SGCD: variants seen among roughly 807,000 people sequenced by gnomAD.
SGCD encodes delta-sarcoglycan.
Under a neutral mutation model 36.6 loss-of-function variants are expected in SGCD, and 18 were observed. The ratio of observed to expected loss-of-function variants is 0.49; its 90% CI spans 0.34 to 0.73. The LOEUF (loss-of-function observed/expected upper bound fraction) is 0.73, where lower values mean the gene tolerates loss of function less well. Among genes scored for constraint, SGCD ranks in the 30% least tolerant of loss-of-function variants. SGCD has a pLI of 0.01. For missense variants in SGCD, 387 were observed against 346.7 expected, an observed-to-expected ratio of 1.12 and a Z score of -0.92; for synonymous variants, 133 against 130.6, an observed-to-expected ratio of 1.02 and a Z score of -0.12.
chr5:155,893,702 ATAAATAT>A (rs1756185548), intron 1 of SGCD, among the ~76,000 whole-genome samples: 1 of 152,252 alleles, frequency 6.6e-6, no homozygotes, highest in Non-Finnish European at 1.5e-5. Flanking sequence ...ATAGACATAG[ATAAATAT>A]TAAATAAGAT....
intron 3 of SGCD, among the ~76,000 whole-genome samples, chr5:156,172,278 C>G (rs1336590168): frequency 6.6e-6 from 1 of 152,088 alleles, no homozygotes; most frequent in Non-Finnish European, 1.5e-5. Context: ...AGCAAAACTC[C>G]ATCTCAAAAA....
intron 4 of SGCD, among the ~76,000 whole-genome samples, chr5:156,584,650 T>C (rs1760418131): frequency 1.1e-5 from 1 of 91,924 alleles, no homozygotes; most frequent in Admixed American, 1.1e-4. Flanking sequence ...CCTATGCTTC[T>C]TTCTGTCACC....
At chr5:156,195,499 A>T (rs1040229693) in intron 3 of SGCD, among the ~76,000 whole-genome samples, 6 of 152,168 alleles carry the variant, frequency 3.9e-5, no homozygotes, top group South Asian at 2.1e-4. Context: ...TTTTTTGTGA[A>T]TGGAGAATTG....
chr5:156,479,148 A>T (rs1303224506), intron 3 of SGCD, among the ~76,000 whole-genome samples: 1 of 152,038 alleles, frequency 6.6e-6, no homozygotes, highest in East Asian at 1.9e-4. Flanking sequence ...GCTGGAGTGC[A>T]GTGACATGAT....
chr5:156,310,204 T>C (rs985848909), intron 3 of SGCD, among the ~76,000 whole-genome samples: 1 of 152,202 alleles, frequency 6.6e-6, no homozygotes, highest in African/African-American at 2.4e-5. Context: ...TCTTTAATGC[T>C]TGACTCCCAA....
rs32055 is a variant in SGCD at position 156,647,703 on chromosome 5, A to C, written c.575+167A>C. ...AGCTACAACCAAAAGAAAATTTTCT[A>C]TGAGAACTTAAAATTGAGGATCTGG... On this transcript the variant is annotated intron_variant, in intron 7 of 8. Transcript: ENST00000337851. Among the ~76,000 whole-genome samples the C allele has an allele frequency of 0.92, 139,661 of 152,124 alleles. 64,277 individuals are homozygous for C. Among genetic ancestry groups the C allele is most frequent in the East Asian group, 0.99 (5,087 of 5,158 alleles).
chr5:155,850,264 G>T, the SGCD span, among the ~76,000 whole-genome samples: 1 of 152,258 alleles, frequency 6.6e-6, no homozygotes, highest in East Asian at 1.9e-4. Context: ...TAGGCAGACA[G>T]CTCTTTTATC....
intron 3 of SGCD, among the ~76,000 whole-genome samples, chr5:156,393,541 C>T (rs983185549): frequency 2.6e-5 from 4 of 152,080 alleles, no homozygotes; most frequent in South Asian, 2.1e-4. Context: ...ATCTGTGTAG[C>T]GGTGGACGCA....
Position 156,110,074 on chromosome 5 carries a change from C to A in SGCD, c.-281-7804C>A, listed in dbSNP as rs563845253. On this transcript the variant is annotated intron_variant, in intron 1 of 9. Transcript: ENST00000517913. ...TGACAAAGTATAATATTTAAGGTAT[C>A]CCTTTGCATCTGACTTCTTTTAAGG... Among the ~76,000 whole-genome samples the A allele has an allele frequency of 3.3e-5, 5 of 152,292 alleles. No homozygotes were observed. In the South Asian group the frequency reaches 6.2e-4, roughly 19 times the overall value.
rs180772054 is a variant in SGCD, at chr5:155,905,063, T to C, written c.-282+34639T>C. The stretch of plus-strand genomic sequence containing the variant: ...ATAACAGTATCTTCCCTGTCTTTCT[T>C]GAAGGGTTGTTGCCCTCCAACTTAA... On this transcript the variant is annotated intron_variant, in intron 1 of 9. Transcript: ENST00000517913. Among the ~76,000 whole-genome samples, 13 of 152,308 alleles carry C rather than the reference T, an allele frequency of 8.5e-5. No homozygotes were observed. In the East Asian group the frequency reaches 2.5e-3, roughly 29 times the overall value.
the SGCD span, among the ~76,000 whole-genome samples, chr5:155,729,536 C>T: frequency 1.3e-5 from 2 of 152,352 alleles, no homozygotes; most frequent in Admixed American, 1.3e-4. Flanking sequence ...ATCCAGCCTC[C>T]GGAATGCCCG....
At chr5:156,494,940 T>G (rs1277801177) in intron 3 of SGCD, among the ~76,000 whole-genome samples, 1 of 152,156 alleles carries the variant, frequency 6.6e-6, no homozygotes, top group Non-Finnish European at 1.5e-5. Flanking sequence ...CTTAAGTATA[T>G]CCTACCCTCT....
At chr5:156,162,035 T>C (rs1436764759) in intron 3 of SGCD, among the ~76,000 whole-genome samples, 1 of 150,776 alleles carries the variant, frequency 6.6e-6, no homozygotes, top group African/African-American at 2.5e-5. Flanking sequence ...AGTGCCAGGG[T>C]TCCTTACCCT....
In SGCD at chr5:156,757,710, G is replaced by T; in HGVS notation, c.699+6G>T. 1 of 1,600,010 alleles carries T rather than the reference G, an allele frequency of 6.2e-7. No individual in the cohort carries two copies. Among genetic ancestry groups the T allele is most frequent in the East Asian group, 2.2e-5 (1 of 44,490 alleles). On this transcript the variant is annotated splice_donor_region_variant and intron_variant, in intron 8 of 8. Coordinates refer to ENST00000337851, the MANE Select transcript of SGCD (RefSeq NM_000337.6). ...TGGAATCCAAAGATGGAGAGGTGAG[G>T]GATGAGAAGGACAGAAGTTCAAAGA...
At chr5:156,304,097 C>A (rs965741553) in intron 3 of SGCD, among the ~76,000 whole-genome samples, 1 of 152,158 alleles carries the variant, frequency 6.6e-6, no homozygotes, top group Non-Finnish European at 1.5e-5. Context: ...GACCACAGAG[C>A]ACTTTAGCCT....
At chr5:155,893,462 C>G (rs1756181653) in intron 1 of SGCD, among the ~76,000 whole-genome samples, 1 of 152,116 alleles carries the variant, frequency 6.6e-6, no homozygotes, top group African/African-American at 2.4e-5. Flanking sequence ...AAAATCAGAG[C>G]TCTTTTAAAT....
At chr5:156,035,904 A>G (rs1193089422) in intron 1 of SGCD, among the ~76,000 whole-genome samples, 1 of 152,206 alleles carries the variant, frequency 6.6e-6, no homozygotes, top group Non-Finnish European at 1.5e-5. Flanking sequence ...CCATCACAAG[A>G]AAAATTGCAG....
the SGCD span, among the ~76,000 whole-genome samples, chr5:155,742,720 A>G: frequency 1.3e-5 from 2 of 152,122 alleles, no homozygotes; most frequent in Non-Finnish European, 2.9e-5. Flanking sequence ...AGTTCTCACT[A>G]TTTACCTGGA....
intron 1 of SGCD, among the ~76,000 whole-genome samples, chr5:155,950,875 C>G (rs796927657): frequency 6.6e-6 from 1 of 152,154 alleles, no homozygotes; most frequent in Non-Finnish European, 1.5e-5. Flanking sequence ...AACCCTCTCA[C>G]CTAAAAATCC....
Sources: allele counts gnomAD v4.1 joint callset (sites outside exome capture counted in the v4.1 genomes callset), GRCh38; gene constraint gnomAD v4.1.1; transcripts MANE v1.5; gene names NCBI Gene and HGNC (gene_info 2026-07-23, HGNC 2026-07-21).